The following MARCHF3 variants were observed in gnomAD, a reference collection of about 807,000 sequenced individuals.
MARCHF3 encodes the protein membrane associated ring-CH-type finger 3.
A neutral mutation model predicts 24.2 loss-of-function variants in MARCHF3; 13 were observed. The observed-to-expected ratio is 0.54, with a 90% CI of 0.35 to 0.85. MARCHF3 has a LOEUF of 0.85. Ranked by LOEUF, MARCHF3 falls within the 40% of genes least tolerant of loss-of-function variation. The pLI, the probability that MARCHF3 is intolerant of heterozygous loss-of-function variation, is 0.01. For missense variants in MARCHF3, 276 were observed against 325.0 expected, an observed-to-expected ratio of 0.85 and a Z score of 1.16; for synonymous variants, 144 against 137.3, an observed-to-expected ratio of 1.05 and a Z score of -0.34.
chr5:126,947,144 T>C (rs1256186065), intron 1 of MARCHF3, among the ~76,000 whole-genome samples: 5 of 152,146 alleles, frequency 3.3e-5, no homozygotes, highest in Admixed American at 6.5e-5. Context: ...GCACCCCATG[T>C]TGATTTAGTT....
chr5:126,959,170 A>G (rs1451109859), intron 1 of MARCHF3, among the ~76,000 whole-genome samples: 1 of 152,162 alleles, frequency 6.6e-6, no homozygotes, highest in African/African-American at 2.4e-5. Flanking sequence ...AAGAAACCTG[A>G]CAAACGCTAC....
chr5:126,929,498 C>A (rs1749410927), intron 1 of MARCHF3, among the ~76,000 whole-genome samples: 1 of 152,214 alleles, frequency 6.6e-6, no homozygotes, highest in South Asian at 2.1e-4. Flanking sequence ...TTTTCCAATT[C>A]TAACTTCCCT....
intron 1 of MARCHF3, among the ~76,000 whole-genome samples, chr5:126,929,912 C>G (rs1287230028): frequency 6.6e-6 from 1 of 152,134 alleles, no homozygotes; most frequent in Non-Finnish European, 1.5e-5. Context: ...TGCTGCCTTG[C>G]AAGACGTGAC....
At chr5:126,920,193 G>T (rs1053530326) in intron 1 of MARCHF3, among the ~76,000 whole-genome samples, 2 of 151,962 alleles carry the variant, frequency 1.3e-5, no homozygotes, top group Non-Finnish European at 2.9e-5. Flanking sequence ...TTTTGAAAGG[G>T]TTGGCAGGGT....
Position 126,901,831 on chromosome 5 carries a change from A to G in MARCHF3, c.393+13099T>C, listed in dbSNP as rs75258986. 6.4e-3 allele frequency among the ~76,000 whole-genome samples: 976 copies of G among 152,210 alleles called. 18 individuals carry two copies. Among genetic ancestry groups the G allele is most frequent in the African/African-American group, 0.022 (928 of 41,498 alleles). ...AGAGTTAATTGTGCCTTGTTATTTC[A>G]GCAGGACTTAGGATGAAGGTGATTA... is the stretch of plus-strand genomic sequence containing the variant. On this transcript the variant is annotated intron_variant, in intron 3 of 4. Transcript: ENST00000308660.
At chr5:127,025,955 A>G (rs923223199) in intron 1 of MARCHF3, among the ~76,000 whole-genome samples, 2 of 152,154 alleles carry the variant, frequency 1.3e-5, no homozygotes, top group Non-Finnish European at 2.9e-5. Context: ...AAGAACTGGG[A>G]GATGTTAAGA....
intron 1 of MARCHF3, among the ~76,000 whole-genome samples, chr5:126,943,166 C>T (rs1225181921): frequency 6.6e-6 from 1 of 152,090 alleles, no homozygotes; most frequent in Non-Finnish European, 1.5e-5. Flanking sequence ...TGGTGGCAGG[C>T]GCCTGTAATC....
At chr5:127,008,929 A>ATTTT (rs869299387) in intron 1 of MARCHF3, among the ~76,000 whole-genome samples, 1 of 126,730 alleles carries the variant, frequency 7.9e-6, no homozygotes, top group African/African-American at 2.9e-5. Context: ...TTATTTATTT[A>ATTTT]TTTTTAACCT....
chr5:126,955,566 G>T (rs1750410907), intron 1 of MARCHF3, among the ~76,000 whole-genome samples: 2 of 152,180 alleles, frequency 1.3e-5, no homozygotes, highest in African/African-American at 4.8e-5. Flanking sequence ...TGTTAGTAAG[G>T]TCAGCATCTC....
intron 1 of MARCHF3, among the ~76,000 whole-genome samples, chr5:126,951,332 T>G (rs1750224180): frequency 6.6e-6 from 1 of 152,190 alleles, no homozygotes; most frequent in African/African-American, 2.4e-5. Context: ...CAATCTAGAC[T>G]CACTCCCTTC....
intron 1 of MARCHF3, among the ~76,000 whole-genome samples, chr5:126,924,933 T>C (rs1352191092): frequency 6.6e-6 from 1 of 152,238 alleles, no homozygotes. Context: ...GACCTCATTA[T>C]GTGGAGCGCA....
intron 3 of MARCHF3, among the ~76,000 whole-genome samples, chr5:126,907,945 G>C (rs1273353444): frequency 7.5e-6 from 1 of 133,310 alleles, no homozygotes; most frequent in African/African-American, 2.7e-5. Flanking sequence ...GCATGATTTT[G>C]CAGCGGCTGG....
chr5:126,908,466 C>T (rs1393744571), intron 3 of MARCHF3, among the ~76,000 whole-genome samples: 1 of 152,196 alleles, frequency 6.6e-6, no homozygotes, highest in African/African-American at 2.4e-5. Context: ...ACCAATCAGA[C>T]ATAGATTTGG....
At chr5:126,986,220 G>A (rs1255934440) in intron 1 of MARCHF3, among the ~76,000 whole-genome samples, 1 of 152,056 alleles carries the variant, frequency 6.6e-6, no homozygotes, top group Non-Finnish European at 1.5e-5. Flanking sequence ...TTTCAGACAG[G>A]GCCCAAGTGT....
chr5:126,965,095 C>T (rs983662083), intron 1 of MARCHF3, among the ~76,000 whole-genome samples: 2 of 150,592 alleles, frequency 1.3e-5, no homozygotes, highest in African/African-American at 4.9e-5. Context: ...CTAATGATGA[C>T]TCCTCTCTTA....
At chr5:126,988,700 T>G (rs1234677940) in intron 1 of MARCHF3, among the ~76,000 whole-genome samples, 1 of 152,128 alleles carries the variant, frequency 6.6e-6, no homozygotes, top group Non-Finnish European at 1.5e-5. Context: ...GGAGAAGGAT[T>G]ATGAACAAAT....
chr5:126,997,914 T>C (rs79754964), intron 1 of MARCHF3, among the ~76,000 whole-genome samples: 2,505 of 152,308 alleles, frequency 0.016, 65 homozygotes, highest in African/African-American at 0.057. Flanking sequence ...ATTAAGCCTA[T>C]TGACTGTTTA....
At chr5:127,025,404 A>C (rs1331115180) in intron 1 of MARCHF3, among the ~76,000 whole-genome samples, 1 of 152,042 alleles carries the variant, frequency 6.6e-6, no homozygotes, top group African/African-American at 2.4e-5. Context: ...TGTGAGGACA[A>C]TATAAAACAG....
At chr5:126,954,442 G>GTCAC (rs1243382312) in intron 1 of MARCHF3, among the ~76,000 whole-genome samples, 1 of 151,618 alleles carries the variant, frequency 6.6e-6, no homozygotes, top group African/African-American at 2.4e-5. Context: ...ATGGCCATGG[G>GTCAC]TCACTGCAGC....
Sources: gnomAD v4.1 joint callset for allele counts (sites outside exome capture counted in the v4.1 genomes callset) on GRCh38, gnomAD v4.1.1 for gene constraint, MANE v1.5 for transcripts, NCBI Gene and HGNC (gene_info 2026-07-23, HGNC 2026-07-21) for gene names.